Variants in EEF1AKMT2 observed in about 807,000 individuals in gnomAD.
EEF1AKMT2 encodes the protein eukaryotic translation elongation factor 1 alpha lysine methyltransferase 2.
In EEF1AKMT2, 32 loss-of-function variants were observed where a neutral mutation model predicts 35.8. The observed-to-expected ratio is 0.89, with a 90% confidence interval of 0.67 to 1.20. The LOEUF (loss-of-function observed/expected upper bound fraction) is 1.20, where lower values mean the gene tolerates loss of function less well. Ranked by LOEUF, EEF1AKMT2 falls within the 50% of genes most tolerant of loss-of-function variation. The probability of loss-of-function intolerance (pLI) is 0.00; values close to 1 mark genes in which losing one functional copy is unlikely to be tolerated. For synonymous variants in EEF1AKMT2, 121 were observed against 133.7 expected (o/e 0.91, Z 0.65); for missense variants, 330 against 347.5 (o/e 0.95, Z 0.40).
At chr10:124,790,988 C>G (rs930502357) in intron 1 of EEF1AKMT2, among the ~76,000 whole-genome samples, 1 of 152,168 alleles carries the variant, frequency 6.6e-6, no homozygotes, top group African/African-American at 2.4e-5. Context: ...TGGTCTCGAT[C>G]TCCTGACCTT....
chr10:124,784,406 A>G (rs1950567087), intron 3 of EEF1AKMT2, among the ~76,000 whole-genome samples: 1 of 152,164 alleles, frequency 6.6e-6, no homozygotes, highest in African/African-American at 2.4e-5. Context: ...CAAATCAACA[A>G]TTTAAAAAAA....
chr10:124,772,092 C>A (rs1462087078), intron 4 of EEF1AKMT2, among the ~76,000 whole-genome samples: 1 of 152,174 alleles, frequency 6.6e-6, no homozygotes, highest in Non-Finnish European at 1.5e-5. Flanking sequence ...TAGCATAATT[C>A]TTACGGGCCC....
intron 1 of EEF1AKMT2, 85 bp downstream of exon 1, chr10:124,791,639 C>A (rs1950635490): frequency 1.3e-6 from 2 of 1,524,066 alleles, no homozygotes; most frequent in Admixed American, 4.0e-5. Flanking sequence ...TGTCCCTGAG[C>A]CCCGGGTCTC....
intron 3 of EEF1AKMT2, among the ~76,000 whole-genome samples, chr10:124,786,090 G>A (rs1036056353): frequency 6.6e-6 from 1 of 152,058 alleles, no homozygotes; most frequent in African/African-American, 2.4e-5. Flanking sequence ...AGGAGTGGGA[G>A]GGGCCACAAG....
intron 3 of EEF1AKMT2, among the ~76,000 whole-genome samples, chr10:124,788,245 A>G (rs1209506475): frequency 6.6e-6 from 1 of 152,034 alleles, no homozygotes; most frequent in Non-Finnish European, 1.5e-5. Context: ...CAACTTGGAT[A>G]TTTACTCCTC....
At chr10:124,785,727 C>G (rs148549698) in intron 3 of EEF1AKMT2, among the ~76,000 whole-genome samples, 1 of 151,638 alleles carries the variant, frequency 6.6e-6, no homozygotes, top group Admixed American at 6.6e-5. Flanking sequence ...AACGCTATGT[C>G]TACTAAAAAT....
intron 1 of EEF1AKMT2, among the ~76,000 whole-genome samples, chr10:124,791,439 C>G (rs369532317): frequency 6.6e-6 from 1 of 152,116 alleles, no homozygotes; most frequent in East Asian, 1.9e-4. Flanking sequence ...AAGCCTGGCC[C>G]TCAGGTTCGA....
At chr10:124,777,436 C>T (rs1030773483) in intron 3 of EEF1AKMT2, among the ~76,000 whole-genome samples, 23 of 152,052 alleles carry the variant, frequency 1.5e-4, no homozygotes, top group African/African-American at 4.6e-4. Flanking sequence ...TGGCTTATTA[C>T]TCCTAGGCTA....
chr10:124,762,718 T>C (rs1032574889), intron 5 of EEF1AKMT2, among the ~76,000 whole-genome samples, 160 bp from the exon 6 acceptor site: 16 of 152,368 alleles, frequency 1.1e-4, no homozygotes, highest in African/African-American at 3.6e-4. Flanking sequence ...TATTAAAAGC[T>C]TATCGTAAGA....
At position 124,759,672 on chromosome 10, in the gene EEF1AKMT2, C is replaced by T. The variant is rs919801858; in HGVS notation, c.*831G>A. On this transcript the variant is annotated 3_prime_UTR_variant, in exon 7 of 7. Coordinates refer to ENST00000368836, the MANE Select transcript of EEF1AKMT2 (RefSeq NM_212554.4). ...TTCTCTCAGCTTCATTTTCCTTATA[C>T]GTAGAAACAAGAACAAGCAATACAT... The T allele has an allele frequency of 2.0e-5, 3 of 152,192 alleles. No individual in the cohort carries two copies. The highest frequency in any genetic ancestry group is 2.9e-5 in the Non-Finnish European group (2 of 68,040). 9.4% of individuals were successfully genotyped at this position (152,192 alleles called of 1,614,324 possible). A position where few individuals can be genotyped will look rare whatever the true frequency, so the allele number is the denominator to read the frequency against.
In EEF1AKMT2 at chr10:124,774,262, G is replaced by C. The variant is rs147022367; in HGVS notation, c.399+413C>G. On this transcript the variant is annotated intron_variant, in intron 4 of 6. Coordinates refer to ENST00000368836, the MANE Select transcript of EEF1AKMT2 (RefSeq NM_212554.4). ...GGCGCCTGTAGTCCCAGCTACTTCAGAGGCTGAGAGAGGAGAATGGCATGA... is the reference window on the plus strand; with the variant it reads ...GGCGCCTGTAGTCCCAGCTACTTCACAGGCTGAGAGAGGAGAATGGCATGA... Among the ~76,000 whole-genome samples the C allele has an allele frequency of 2.2e-4, 33 of 151,040 alleles. No individual in the cohort carries two copies. The East Asian group carries it at 4.7e-3, about 21-fold the overall frequency.
chr10:124,765,659 C>G, intron 4 of EEF1AKMT2, 51 bp from the exon 5 acceptor site: 1 of 1,426,406 alleles, frequency 7.0e-7, no homozygotes. Context: ...AAAATCCTTA[C>G]AGAATGTAAG....
At chr10:124,760,859 G>A (rs10901818) in intron 6 of EEF1AKMT2, among the ~76,000 whole-genome samples, 83,188 of 152,032 alleles carry the variant, frequency 0.55, 23,302 homozygotes, top group South Asian at 0.65. Context: ...AGCATGTGTC[G>A]AGTTTTTTTG....
chr10:124,775,628 C>G (rs775569978), intron 3 of EEF1AKMT2, among the ~76,000 whole-genome samples: 23 of 152,298 alleles, frequency 1.5e-4, no homozygotes, highest in Non-Finnish European at 2.8e-4. Context: ...TAAAACTTAA[C>G]CTACTGCCAC....
intron 4 of EEF1AKMT2, 85 bp from the exon 5 acceptor site, chr10:124,765,693 A>C (rs1021686482): frequency 3.1e-6 from 3 of 960,650 alleles, no homozygotes; most frequent in Non-Finnish European, 3.1e-6. Context: ...AAGGTTATTA[A>C]TAAAAGGACC....
intron 4 of EEF1AKMT2, among the ~76,000 whole-genome samples, chr10:124,769,337 G>A (rs1388381036): frequency 6.6e-6 from 1 of 150,550 alleles, no homozygotes; most frequent in African/African-American, 2.4e-5. Flanking sequence ...TTGTGTAAAT[G>A]CAACAGGGTA....
chr10:124,774,706 T>C lies in EEF1AKMT2; in HGVS notation c.368A>G (p.Glu123Gly). 2.7e-6 allele frequency: 4 copies of C among 1,470,076 alleles called. No individual in the cohort carries two copies. The highest frequency in any genetic ancestry group is 3.1e-5 in the South Asian group (2 of 65,236). 91.1% of individuals were successfully genotyped at this position (1,470,076 alleles called of 1,614,324 possible). The part of the protein sequence containing the change: ...SAIQLSGSII[E>G]KEGLSNIKLK... ...CTTAATGTTAGATAAACCTTCTTTTTCTATAATACTTCCAGAAAGCTGAAT... is the reference window on the plus strand; with the variant it reads ...CTTAATGTTAGATAAACCTTCTTTTCCTATAATACTTCCAGAAAGCTGAAT... Residue 123 changes from glutamate to glycine, a missense_variant, in exon 4 of 7, where the codon GAA becomes GGA. By Grantham distance (98) the Glu-to-Gly change is moderately conservative (BLOSUM62 -2). Coordinates refer to ENST00000368836, the MANE Select transcript of EEF1AKMT2 (RefSeq NM_212554.4).
At chr10:124,767,484 T>A (rs1247512429) in intron 4 of EEF1AKMT2, among the ~76,000 whole-genome samples, 1 of 141,394 alleles carries the variant, frequency 7.1e-6, no homozygotes, top group Non-Finnish European at 1.5e-5. Context: ...TGCACTACTG[T>A]CTAGGCGACA....
intron 3 of EEF1AKMT2, among the ~76,000 whole-genome samples, chr10:124,780,308 G>A (rs1950529300): frequency 6.6e-6 from 1 of 152,128 alleles, no homozygotes; most frequent in South Asian, 2.1e-4. Flanking sequence ...CAGACAACAC[G>A]AGGGACAGAA....
Sources: allele counts gnomAD v4.1 joint callset (sites outside exome capture counted in the v4.1 genomes callset), GRCh38; gene constraint gnomAD v4.1.1; transcripts MANE v1.5; gene names NCBI Gene and HGNC (gene_info 2026-07-23, HGNC 2026-07-21).